The following CNIH3 variants were observed in gnomAD, a reference collection of about 807,000 sequenced individuals.
CNIH3 encodes cornichon family AMPA receptor auxiliary protein 3.
CNIH3 carries 14 observed loss-of-function variants against 24.1 expected under a neutral mutation model. The ratio of observed to expected loss-of-function variants is 0.58; its 90% CI spans 0.38 to 0.91. CNIH3 has a LOEUF of 0.91. CNIH3 is among the 40% of genes least tolerant of loss of function. The pLI is 0.00. For synonymous variants in CNIH3, 68 were observed against 73.8 expected, an observed-to-expected ratio of 0.92 and a Z score of 0.40; for missense variants, 178 against 196.8, an observed-to-expected ratio of 0.90 and a Z score of 0.57.
At chr1:224,627,898 A>G (rs940715089) in intron 1 of CNIH3, among the ~76,000 whole-genome samples, 4 of 152,090 alleles carry the variant, frequency 2.6e-5, no homozygotes, top group African/African-American at 9.7e-5. Context: ...TCACCACCTG[A>G]GTCTCAGAGG....
intron 1 of CNIH3, among the ~76,000 whole-genome samples, chr1:224,660,961 C>G (rs987657243): frequency 2.0e-5 from 3 of 152,136 alleles, no homozygotes; most frequent in Non-Finnish European, 4.4e-5. Context: ...ATATTTACAT[C>G]AATTTTTAAA....
intron 2 of CNIH3, among the ~76,000 whole-genome samples, chr1:224,543,838 A>T (rs1679604270): frequency 6.6e-6 from 1 of 152,004 alleles, no homozygotes; most frequent in African/African-American, 2.4e-5. Context: ...CTCTGCTTGG[A>T]ATACCTTTCT....
At chr1:224,660,549 G>A (rs989157403) in intron 1 of CNIH3, among the ~76,000 whole-genome samples, 2 of 151,548 alleles carry the variant, frequency 1.3e-5, no homozygotes, top group South Asian at 2.1e-4. Context: ...ACACATTTGC[G>A]TTTCTTTGTT....
At position 224,573,257 on chromosome 1, in the gene CNIH3, CTATTTTCAT is replaced by C. The variant is rs1428366725; in HGVS notation, n.516+7004_516+7012del. Among the ~76,000 whole-genome samples the C allele has an allele frequency of 5.9e-5, 9 of 152,212 alleles. No individual in the cohort carries two copies. The South Asian group carries it at 8.3e-4, about 14-fold the overall frequency. ...ATTTTCTTTATTGTTTTTCTATTCT[CTATTTTCAT>C]TATTTTCATTCAATCTTCCTTTTCT... On this transcript the variant is annotated intron_variant and non_coding_transcript_variant, in intron 4 of 5. Coordinates refer to the CNIH3 transcript ENST00000471578.
chr1:224,610,859 C>T (rs1558209100), intron 3 of CNIH3, among the ~76,000 whole-genome samples: 1 of 152,186 alleles, frequency 6.6e-6, no homozygotes, highest in Non-Finnish European at 1.5e-5. Context: ...TGTCAGTGAA[C>T]TTTCCCTGAT....
At chr1:224,671,523 G>C (rs1685866190) in intron 1 of CNIH3, among the ~76,000 whole-genome samples, 1 of 152,202 alleles carries the variant, frequency 6.6e-6, no homozygotes, top group South Asian at 2.1e-4. Context: ...ACAAGAAAGA[G>C]AGATGGGGAA....
chr1:224,570,166 A>G (rs1458269154), intron 4 of CNIH3, among the ~76,000 whole-genome samples: 1 of 152,180 alleles, frequency 6.6e-6, no homozygotes, highest in Non-Finnish European at 1.5e-5. Flanking sequence ...ATGATTTTTA[A>G]AATAATTTCA....
At chr1:224,723,857 C>A (rs542925072) in intron 3 of CNIH3, among the ~76,000 whole-genome samples, 15 of 152,290 alleles carry the variant, frequency 9.8e-5, no homozygotes, top group African/African-American at 3.6e-4. Context: ...GGTTTTGAGT[C>A]ACAGCCACAG....
rs919947135 is a variant in CNIH3, at chr1:224,510,065, C to T, written n.204-5676C>T. On this transcript the variant is annotated intron_variant and non_coding_transcript_variant, in intron 1 of 5. Coordinates refer to the CNIH3 transcript ENST00000471578. ...CGTGGGCTCCTAGCAGTGTGGACCT[C>T]GTGGCTCTACCGCTGGCCTGCACTT... Among the ~76,000 whole-genome samples, 37 of 152,080 alleles carry T rather than the reference C, an allele frequency of 2.4e-4. 1 individual carries two copies. Among genetic ancestry groups the T allele is most frequent in the African/African-American group, 8.7e-4 (36 of 41,392 alleles).
chr1:224,722,352 A>T (rs1238472382), intron 3 of CNIH3, among the ~76,000 whole-genome samples: 1 of 152,160 alleles, frequency 6.6e-6, no homozygotes. Flanking sequence ...CTAGAGTGGA[A>T]CCTGGAAATC....
intron 1 of CNIH3, among the ~76,000 whole-genome samples, chr1:224,486,219 C>T (rs1490845195): frequency 6.6e-6 from 1 of 152,124 alleles, no homozygotes; most frequent in Non-Finnish European, 1.5e-5. Flanking sequence ...GATCCTCCCA[C>T]CTCAGCCTCC....
intron 4 of CNIH3, among the ~76,000 whole-genome samples, chr1:224,567,545 G>A (rs1361095551): frequency 6.6e-6 from 1 of 152,178 alleles, no homozygotes; most frequent in East Asian, 1.9e-4. Flanking sequence ...TTTTGTATTA[G>A]GTTGGTGCAA....
chr1:224,527,948 TAC>T (rs1416194127), intron 2 of CNIH3, among the ~76,000 whole-genome samples: 2 of 152,200 alleles, frequency 1.3e-5, no homozygotes, highest in Non-Finnish European at 2.9e-5. Context: ...TCTGTATATG[TAC>T]ACACACATAA....
intron 1 of CNIH3, among the ~76,000 whole-genome samples, chr1:224,438,040 G>A (rs2102939809): frequency 6.6e-6 from 1 of 151,836 alleles, no homozygotes; most frequent in Admixed American, 6.6e-5. Flanking sequence ...AGCCTCCCGA[G>A]TAGCTGGGAC....
chr1:224,669,594 T>C (rs1685763499), intron 1 of CNIH3, among the ~76,000 whole-genome samples: 1 of 152,156 alleles, frequency 6.6e-6, no homozygotes, highest in Non-Finnish European at 1.5e-5. Context: ...GTGTTGCTAA[T>C]GATCATGCTC....
chr1:224,467,193 T>C (rs941212965), intron 1 of CNIH3, among the ~76,000 whole-genome samples: 22 of 152,092 alleles, frequency 1.4e-4, no homozygotes, highest in African/African-American at 5.3e-4. Flanking sequence ...ACCCAGCTAA[T>C]TTTTTCTGTT....
chr1:224,516,233 C>T (rs904908260), intron 1 of CNIH3, among the ~76,000 whole-genome samples: 7 of 145,166 alleles, frequency 4.8e-5, no homozygotes, highest in Non-Finnish European at 7.4e-5. Flanking sequence ...GAGAATCGAT[C>T]GAACCAGGAG....
upstream of CNIH3, among the ~76,000 whole-genome samples, chr1:224,512,179 A>C (rs868718629): frequency 1.3e-5 from 2 of 151,832 alleles, no homozygotes; most frequent in South Asian, 4.2e-4. Flanking sequence ...CCGTCTCAAA[A>C]AAAAAAAAAA....
chr1:224,625,386 AAAAAT>A (rs1431156561), intron 1 of CNIH3, among the ~76,000 whole-genome samples: 11 of 152,076 alleles, frequency 7.2e-5, no homozygotes, highest in African/African-American at 2.4e-4. Flanking sequence ...CATCTCTCCT[AAAAAT>A]AAAATAAAAA....
Sources: gnomAD v4.1 joint callset for allele counts (sites outside exome capture counted in the v4.1 genomes callset) on GRCh38, gnomAD v4.1.1 for gene constraint, MANE v1.5 for transcripts, NCBI Gene and HGNC (gene_info 2026-07-23, HGNC 2026-07-21) for gene names.